The following CYP7B1 variants were observed in gnomAD, a reference collection of about 807,000 sequenced individuals.
The protein encoded by CYP7B1 is cytochrome P450 family 7 subfamily B member 1, also known as cytochrome P450 7B1.
A neutral mutation model predicts 42.7 loss-of-function variants in CYP7B1; 29 were observed. That is an observed-to-expected ratio of 0.68 (90% CI 0.51 to 0.93). The LOEUF is 0.93. CYP7B1 is among the 40% of genes least tolerant of loss of function. The pLI is 0.00. For missense variants in CYP7B1, 655 were observed against 600.5 expected, an observed-to-expected ratio of 1.09 and a Z score of -0.95; for synonymous variants, 235 against 218.2, an observed-to-expected ratio of 1.08 and a Z score of -0.68.
intron 1 of CYP7B1, among the ~76,000 whole-genome samples, chr8:64,735,689 C>G (rs1405409675): frequency 1.3e-5 from 2 of 152,208 alleles, no homozygotes; most frequent in East Asian, 3.9e-4. Flanking sequence ...CAGCAAATAA[C>G]TCACAAAAAG....
rs953886480 is a variant in CYP7B1 at position 64,798,510 on chromosome 8, C to T, written c.78G>A (p.Ala26=). The change falls in exon 1 of 6, where the codon GCG becomes GCA. Residue 26 remains alanine, a synonymous_variant. Coordinates refer to ENST00000310193, the MANE Select transcript of CYP7B1 (RefSeq NM_004820.5). ...RLGLPGLALA[A]ALLLLALCLL... The stretch of plus-strand genomic sequence containing the variant: ...AGCAGAGGGCCAGGAGCAGCAGGGC[C>T]GCGGCGAGGGCCAGGCCCGGGAGGC... The T allele has an allele frequency of 5.3e-6, 8 of 1,507,446 alleles. No homozygotes were observed. The highest frequency in any genetic ancestry group is 7.0e-6 in the Non-Finnish European group (8 of 1,136,944). The allele number at this position is 1,507,446 out of a possible 1,614,324, so 93.4% of individuals were successfully genotyped here. A position where few individuals can be genotyped will look rare whatever the true frequency, so the allele number is the denominator to read the frequency against.
chr8:64,655,798 T>C (rs1027016041), intron 1 of CYP7B1, among the ~76,000 whole-genome samples: 1 of 152,176 alleles, frequency 6.6e-6, no homozygotes, highest in Non-Finnish European at 1.5e-5. Flanking sequence ...AAAAATGTGA[T>C]ACATATATAC....
At chr8:64,608,256 A>G (rs1805312341) in intron 4 of CYP7B1, among the ~76,000 whole-genome samples, 2 of 152,258 alleles carry the variant, frequency 1.3e-5, no homozygotes, top group African/African-American at 4.8e-5. Context: ...TTTTGCTCTC[A>G]GTTCTCAATT....
chr8:64,696,727 C>CT (rs953165634), intron 1 of CYP7B1, among the ~76,000 whole-genome samples: 15 of 151,856 alleles, frequency 9.9e-5, no homozygotes, highest in African/African-American at 2.7e-4. Context: ...ATATTGCTTA[C>CT]TTTTTTTTTC....
chr8:64,701,503 C>T lies in CYP7B1; in HGVS notation c.123-76964G>A, dbSNP rs191573334. ...TTGCACTGACAGAGAACTAGAGGCC[C>T]TTGTAAGCAGGGTGTGATATTACCA... is the stretch of plus-strand genomic sequence containing the variant. On this transcript the variant is annotated intron_variant, in intron 1 of 5. Coordinates refer to ENST00000310193, the MANE Select transcript of CYP7B1 (RefSeq NM_004820.5). 7.5e-3 allele frequency among the ~76,000 whole-genome samples: 1,144 copies of T among 152,104 alleles called. 14 individuals carry two copies. Among genetic ancestry groups the T allele is most frequent in the Middle Eastern group, 0.017 (5 of 294 alleles).
intron 1 of CYP7B1, among the ~76,000 whole-genome samples, chr8:64,635,812 T>G (rs1400891558): frequency 6.6e-6 from 1 of 152,206 alleles, no homozygotes. Flanking sequence ...AGTTCATCTA[T>G]GTAATTTTGT....
At chr8:64,704,381 A>AAG (rs1806961609) in intron 1 of CYP7B1, among the ~76,000 whole-genome samples, 1 of 152,094 alleles carries the variant, frequency 6.6e-6, no homozygotes, top group Admixed American at 6.6e-5. Flanking sequence ...GATATATCTT[A>AAG]ATCATCTCAG....
intron 1 of CYP7B1, among the ~76,000 whole-genome samples, chr8:64,696,571 C>T (rs1806831402): frequency 6.6e-6 from 1 of 152,134 alleles, no homozygotes; most frequent in Non-Finnish European, 1.5e-5. Flanking sequence ...AAATGAGAAG[C>T]CAGCTACTCT....
chr8:64,669,433 TGGGGCA>T (rs1385634342), intron 1 of CYP7B1, among the ~76,000 whole-genome samples: 6 of 152,020 alleles, frequency 3.9e-5, no homozygotes, highest in Non-Finnish European at 5.9e-5. Flanking sequence ...CAATAGAGCT[TGGGGCA>T]GGGGCAGGGG....
intron 1 of CYP7B1, among the ~76,000 whole-genome samples, chr8:64,657,005 T>A (rs1000977872): frequency 2.6e-5 from 4 of 152,146 alleles, no homozygotes; most frequent in African/African-American, 9.7e-5. Flanking sequence ...TTGCCTTAGT[T>A]TCTTTGTGCT....
intron 1 of CYP7B1, among the ~76,000 whole-genome samples, chr8:64,739,034 G>T (rs564086431): frequency 6.6e-6 from 1 of 152,292 alleles, no homozygotes; most frequent in Non-Finnish European, 1.5e-5. Flanking sequence ...GGCAGGCAGA[G>T]GGAAAGAGTA....
At chr8:64,658,866 C>T (rs1489213809) in intron 1 of CYP7B1, among the ~76,000 whole-genome samples, 1 of 152,140 alleles carries the variant, frequency 6.6e-6, no homozygotes, top group East Asian at 1.9e-4. Flanking sequence ...CGTCAATTCC[C>T]TCTTTCAAGT....
chr8:64,751,283 G>T (rs950370815), intron 1 of CYP7B1, among the ~76,000 whole-genome samples: 3 of 152,100 alleles, frequency 2.0e-5, no homozygotes, highest in South Asian at 2.1e-4. Context: ...CACACAATTC[G>T]CATACAGACA....
At chr8:64,690,969 A>C (rs1401306777) in intron 1 of CYP7B1, among the ~76,000 whole-genome samples, 2 of 152,128 alleles carry the variant, frequency 1.3e-5, no homozygotes, top group Non-Finnish European at 2.9e-5. Flanking sequence ...TCACCACTCC[A>C]TTCCTCCTCC....
At chr8:64,789,789 G>A (rs958401055) in intron 1 of CYP7B1, among the ~76,000 whole-genome samples, 5 of 152,232 alleles carry the variant, frequency 3.3e-5, no homozygotes, top group Non-Finnish European at 7.3e-5. Context: ...ATGACCCACT[G>A]CTTGTGCAGG....
chr8:64,756,928 G>C (rs1295577619), intron 1 of CYP7B1, among the ~76,000 whole-genome samples: 1 of 152,276 alleles, frequency 6.6e-6, no homozygotes, highest in East Asian at 1.9e-4. Flanking sequence ...AAAGATTTAT[G>C]GGCTTAGAAA....
intron 1 of CYP7B1, among the ~76,000 whole-genome samples, chr8:64,689,269 G>C (rs1806702584): frequency 6.6e-6 from 1 of 152,124 alleles, no homozygotes; most frequent in South Asian, 2.1e-4. Context: ...TATTTCTGGG[G>C]TTTACTTAAA....
chr8:64,721,805 T>G (rs1191934470), intron 1 of CYP7B1, among the ~76,000 whole-genome samples: 2 of 152,176 alleles, frequency 1.3e-5, no homozygotes, highest in Non-Finnish European at 2.9e-5. Flanking sequence ...ATACACAGCC[T>G]ATATAATTAT....
intron 1 of CYP7B1, among the ~76,000 whole-genome samples, chr8:64,776,138 G>A (rs1804323657): frequency 2.0e-5 from 3 of 152,094 alleles, no homozygotes; most frequent in African/African-American, 4.8e-5. Flanking sequence ...ACAGTAGTTC[G>A]AAGAGGAAAG....
Sources: allele counts gnomAD v4.1 joint callset (sites outside exome capture counted in the v4.1 genomes callset), GRCh38; gene constraint gnomAD v4.1.1; transcripts MANE v1.5; gene names NCBI Gene and HGNC (gene_info 2026-07-23, HGNC 2026-07-21).